AFG1L: variants seen among roughly 807,000 people sequenced by gnomAD.
AFG1L encodes AFG1 like ATPase, also known as AFG1-like ATPase.
Under a neutral mutation model 62.2 loss-of-function variants are expected in AFG1L, and 53 were observed. That is an observed-to-expected ratio of 0.85 (90% CI 0.68 to 1.07). AFG1L has a LOEUF of 1.07. Ranked by LOEUF, AFG1L falls within the 50% of genes least tolerant of loss-of-function variation. The probability of loss-of-function intolerance (pLI) is 0.00; values close to 1 mark genes in which losing one functional copy is unlikely to be tolerated. For missense variants in AFG1L, 555 were observed against 590.5 expected (o/e 0.94, Z 0.62); for synonymous variants, 228 against 210.3 (o/e 1.08, Z -0.73).
intron 10 of AFG1L, among the ~76,000 whole-genome samples, chr6:108,497,580 T>C (rs1774022629): frequency 6.6e-6 from 1 of 152,028 alleles, no homozygotes; most frequent in South Asian, 2.1e-4. Context: ...TACCACAAAA[T>C]TTACCAACTT....
intron 7 of AFG1L, among the ~76,000 whole-genome samples, chr6:108,420,460 C>T (rs1023541225): frequency 2.0e-5 from 3 of 146,996 alleles, no homozygotes; most frequent in Non-Finnish European, 3.0e-5. Context: ...ACATATATTC[C>T]ATATATGTTT....
intron 7 of AFG1L, among the ~76,000 whole-genome samples, chr6:108,404,820 C>G (rs1447168324): frequency 6.6e-6 from 1 of 152,014 alleles, no homozygotes; most frequent in Non-Finnish European, 1.5e-5. Context: ...CTCTGCCTCC[C>G]AGGTTCAAGC....
intron 10 of AFG1L, among the ~76,000 whole-genome samples, chr6:108,480,223 C>G (rs113286115): frequency 6.6e-6 from 1 of 152,062 alleles, no homozygotes; most frequent in Admixed American, 6.5e-5. Flanking sequence ...AGTTAGGAGA[C>G]CCTGCAACAC....
chr6:108,364,621 G>A (rs961872109), intron 5 of AFG1L, among the ~76,000 whole-genome samples: 1 of 152,140 alleles, frequency 6.6e-6, no homozygotes, highest in African/African-American at 2.4e-5. Flanking sequence ...TAAAAGTGCA[G>A]TTGCTATTAA....
chr6:108,510,311 C>G lies in AFG1L; in HGVS notation c.1162C>G (p.Arg388Gly). ...TACTCTGGCAAACAGGACTCAAGGT[C>G]GAAGATTCATAACTCTCATCGATAA... ...QFTLANRTQG[R>G]RFITLIDNFY... Residue 388 changes from arginine to glycine, a missense_variant, in exon 11 of 13, where the codon CGA becomes GGA. Transcript: ENST00000368977. 1 of 1,612,054 alleles carries G rather than the reference C, an allele frequency of 6.2e-7. No homozygotes were observed.
chr6:108,420,378 TATTAA>T (rs1449599227), intron 7 of AFG1L, among the ~76,000 whole-genome samples: 1 of 148,770 alleles, frequency 6.7e-6, no homozygotes, highest in South Asian at 2.1e-4. Flanking sequence ...TTATTTAATT[TATTAA>T]ATTAAATAAA....
At chr6:108,330,646 G>A (rs1367485319) in intron 2 of AFG1L, among the ~76,000 whole-genome samples, 5 of 152,120 alleles carry the variant, frequency 3.3e-5, no homozygotes, top group African/African-American at 7.2e-5. Flanking sequence ...TAGGCCATCC[G>A]AACAGCTAAG....
chr6:108,303,705 T>C (rs1405315751), intron 1 of AFG1L, among the ~76,000 whole-genome samples: 1 of 152,248 alleles, frequency 6.6e-6, no homozygotes, highest in Non-Finnish European at 1.5e-5. Flanking sequence ...TGTAATTCTT[T>C]ATAGTCGTTC....
intron 1 of AFG1L, among the ~76,000 whole-genome samples, chr6:108,298,240 T>C (rs1043294850): frequency 1.3e-5 from 2 of 151,530 alleles, no homozygotes; most frequent in African/African-American, 4.9e-5. Flanking sequence ...AGGAAGCAGC[T>C]CTGCTTGGAG....
chr6:108,423,702 A>G (rs2114695172), intron 7 of AFG1L, among the ~76,000 whole-genome samples: 1 of 152,228 alleles, frequency 6.6e-6, no homozygotes, highest in South Asian at 2.1e-4. Context: ...AGTAATAAGA[A>G]CAAAATGAGT....
chr6:108,417,690 A>G (rs1016450818), intron 7 of AFG1L, among the ~76,000 whole-genome samples: 1 of 152,124 alleles, frequency 6.6e-6, no homozygotes, highest in Non-Finnish European at 1.5e-5. Flanking sequence ...TGTAATTGTA[A>G]TAATTGTGCC....
intron 7 of AFG1L, among the ~76,000 whole-genome samples, chr6:108,425,028 G>A (rs1341225459): frequency 2.0e-5 from 3 of 152,150 alleles, no homozygotes; most frequent in Non-Finnish European, 4.4e-5. Context: ...AGCTAAAAAT[G>A]TTTCAGTGTA....
At chr6:108,468,710 A>G (rs1021209001) in intron 8 of AFG1L, among the ~76,000 whole-genome samples, 1 of 149,416 alleles carries the variant, frequency 6.7e-6, no homozygotes, top group Admixed American at 6.6e-5. Flanking sequence ...ATTGAACTGA[A>G]TCTTGTGAAT....
chr6:108,330,334 C>T (rs1193529398), intron 2 of AFG1L, among the ~76,000 whole-genome samples: 11 of 151,930 alleles, frequency 7.2e-5, no homozygotes, highest in African/African-American at 2.7e-4. Flanking sequence ...TGCCACCACG[C>T]CCAGCTAAGT....
chr6:108,518,166 G>C (rs1386470316), intron 11 of AFG1L, among the ~76,000 whole-genome samples: 1 of 152,196 alleles, frequency 6.6e-6, no homozygotes, highest in East Asian at 1.9e-4. Context: ...TACACCCAAA[G>C]GATGATAAAT....
chr6:108,350,958 TGTGCTACAAAC>T (rs879602939), intron 3 of AFG1L, among the ~76,000 whole-genome samples: 39 of 152,232 alleles, frequency 2.6e-4, no homozygotes, highest in Admixed American at 4.6e-4. Context: ...CTATTCCTCC[TGTGCTACAAAC>T]CTGTGCAGCA....
chr6:108,428,359 G>C (rs1770917840), intron 7 of AFG1L, among the ~76,000 whole-genome samples: 1 of 152,106 alleles, frequency 6.6e-6, no homozygotes, highest in African/African-American at 2.4e-5. Flanking sequence ...TGGTCAGTGG[G>C]CACTTAGATT....
intron 11 of AFG1L, 49 bp downstream of exon 11, chr6:108,510,401 G>A: frequency 6.9e-7 from 1 of 1,450,586 alleles, no homozygotes; most frequent in South Asian, 1.3e-5. Context: ...GTATTGTGAA[G>A]CCAGATTGCC....
intron 8 of AFG1L, among the ~76,000 whole-genome samples, chr6:108,463,469 A>G (rs1772546139): frequency 6.6e-6 from 1 of 151,878 alleles, no homozygotes; most frequent in African/African-American, 2.4e-5. Flanking sequence ...CATTTTAAAA[A>G]GAAGTATTTT....
Sources: allele counts gnomAD v4.1 joint callset (sites outside exome capture counted in the v4.1 genomes callset), GRCh38; gene constraint gnomAD v4.1.1; transcripts MANE v1.5; gene names NCBI Gene and HGNC (gene_info 2026-07-23, HGNC 2026-07-21).